Variants in CA10 observed in about 807,000 individuals in gnomAD.
The protein encoded by CA10 is carbonic anhydrase-related protein 10.
A neutral mutation model predicts 44.2 loss-of-function variants in CA10; 14 were observed. The observed-to-expected ratio is 0.32, with a 90% CI of 0.21 to 0.50. CA10 has a LOEUF of 0.50. Among genes scored for constraint, CA10 ranks in the 20% least tolerant of loss-of-function variants. The pLI is 0.99. For missense variants in CA10, 350 were observed against 409.7 expected (o/e 0.85, Z 1.26); for synonymous variants, 159 against 141.6 (o/e 1.12, Z -0.87).
chr17:51,677,142 C>G (rs1914651439), intron 4 of CA10, among the ~76,000 whole-genome samples: 1 of 152,148 alleles, frequency 6.6e-6, no homozygotes, highest in Non-Finnish European at 1.5e-5. Context: ...ATAATATCTA[C>G]TATGTGGAAT....
intron 4 of CA10, among the ~76,000 whole-genome samples, chr17:51,687,569 A>T (rs957137176): frequency 1.3e-5 from 2 of 152,252 alleles, no homozygotes; most frequent in Non-Finnish European, 1.5e-5. Context: ...TTTATAGCTT[A>T]TAGTGGCCAT....
intron 5 of CA10, among the ~76,000 whole-genome samples, chr17:51,652,551 GC>G (rs910589663): frequency 1.3e-5 from 2 of 152,240 alleles, no homozygotes; most frequent in African/African-American, 4.8e-5. Context: ...GCCCCATCCA[GC>G]CCCTGCCCAG....
chr17:51,662,198 G>A (rs1182103103), intron 4 of CA10, among the ~76,000 whole-genome samples: 2 of 152,058 alleles, frequency 1.3e-5, no homozygotes, highest in Admixed American at 6.6e-5. Context: ...CCTTTATATA[G>A]TCCTTTAAAC....
intron 3 of CA10, among the ~76,000 whole-genome samples, chr17:51,929,922 C>T (rs1311886891): frequency 6.6e-6 from 1 of 152,130 alleles, no homozygotes; most frequent in South Asian, 2.1e-4. Context: ...ATGGTGTCGA[C>T]CACATGCAAT....
chr17:51,674,151 A>G (rs1914533108), intron 4 of CA10, among the ~76,000 whole-genome samples: 1 of 152,088 alleles, frequency 6.6e-6, no homozygotes, highest in Admixed American at 6.5e-5. Flanking sequence ...CCCAGGTAAA[A>G]TGAGAGCTGC....
chr17:51,684,662 C>T (rs1914950271), intron 4 of CA10, among the ~76,000 whole-genome samples: 1 of 152,156 alleles, frequency 6.6e-6, no homozygotes, highest in African/African-American at 2.4e-5. Flanking sequence ...TAATGGTTCT[C>T]TTTAGTATTA....
chr17:51,743,133 C>T (rs987815205), intron 4 of CA10, among the ~76,000 whole-genome samples: 1 of 152,194 alleles, frequency 6.6e-6, no homozygotes, highest in African/African-American at 2.4e-5. Context: ...CATGAAGTGG[C>T]TGGTACAATT....
chr17:51,879,964 G>T (rs1980288997), intron 3 of CA10, among the ~76,000 whole-genome samples: 1 of 152,108 alleles, frequency 6.6e-6, no homozygotes, highest in Admixed American at 6.5e-5. Flanking sequence ...CCCCTCCAAG[G>T]GTTAGCCAAT....
At chr17:51,871,573 T>TG (rs1979817978) in intron 3 of CA10, among the ~76,000 whole-genome samples, 1 of 149,800 alleles carries the variant, frequency 6.7e-6, no homozygotes, top group Non-Finnish European at 1.5e-5. Context: ...TTAGTTGAGA[T>TG]GGGGTTACGC....
At chr17:52,144,496 T>A (rs1989543058) in intron 1 of CA10, among the ~76,000 whole-genome samples, 1 of 152,218 alleles carries the variant, frequency 6.6e-6, no homozygotes, top group Non-Finnish European at 1.5e-5. Flanking sequence ...TATGGGGCAT[T>A]AATTTCTTAA....
chr17:51,676,137 A>G (rs1389866413), intron 4 of CA10, among the ~76,000 whole-genome samples: 6 of 152,338 alleles, frequency 3.9e-5, no homozygotes, highest in African/African-American at 1.4e-4. Flanking sequence ...TATTTTGGGT[A>G]TATACCTATG....
At chr17:52,060,818 G>A (rs1987363439) in intron 2 of CA10, among the ~76,000 whole-genome samples, 1 of 152,044 alleles carries the variant, frequency 6.6e-6, no homozygotes. Flanking sequence ...AAAGAGCATT[G>A]GATTAGAAAT....
intron 4 of CA10, among the ~76,000 whole-genome samples, chr17:51,714,366 T>C (rs1916032384): frequency 2.0e-5 from 3 of 152,202 alleles, no homozygotes. Context: ...TTGTCACCTG[T>C]AAAATGGGTA....
At chr17:51,921,046 C>G (rs1355879304) in intron 3 of CA10, among the ~76,000 whole-genome samples, 1 of 152,160 alleles carries the variant, frequency 6.6e-6, no homozygotes, top group Non-Finnish European at 1.5e-5. Context: ...GAGGACAATG[C>G]AAGTTTCTTC....
At chr17:51,768,554 T>C (rs958152064) in intron 3 of CA10, among the ~76,000 whole-genome samples, 1 of 152,218 alleles carries the variant, frequency 6.6e-6, no homozygotes, top group Non-Finnish European at 1.5e-5. Flanking sequence ...TGGCTGGTAC[T>C]TTTTCTGCAA....
chr17:52,000,537 A>C (rs1360840250), intron 2 of CA10, among the ~76,000 whole-genome samples: 1 of 152,090 alleles, frequency 6.6e-6, no homozygotes, highest in African/African-American at 2.4e-5. Flanking sequence ...AGCTCTCTTC[A>C]GTGGATCTTC....
chr17:51,788,205 C>T (rs1436562249), intron 3 of CA10, among the ~76,000 whole-genome samples: 1 of 152,194 alleles, frequency 6.6e-6, no homozygotes, highest in East Asian at 1.9e-4. Context: ...TTTATTGATC[C>T]TCTGGTCATT....
At chr17:51,641,166 C>CCTCT (rs1343396006) in intron 6 of CA10, among the ~76,000 whole-genome samples, 7 of 24,262 alleles carry the variant, frequency 2.9e-4, no homozygotes, top group African/African-American at 5.8e-4. Context: ...CTCTCTCTCT[C>CCTCT]CTCTCTCTCT....
chr17:52,086,132 G>A (rs1988111447), intron 1 of CA10, among the ~76,000 whole-genome samples: 3 of 152,128 alleles, frequency 2.0e-5, no homozygotes, highest in African/African-American at 2.4e-5. Context: ...GGTTTACAGT[G>A]CAATGAGAAA....
Sources: allele counts gnomAD v4.1 joint callset (sites outside exome capture counted in the v4.1 genomes callset), GRCh38; gene constraint gnomAD v4.1.1; transcripts MANE v1.5; gene names NCBI Gene and HGNC (gene_info 2026-07-23, HGNC 2026-07-21).